The following CDYL variants were observed in gnomAD, a reference collection of about 807,000 sequenced individuals.
The protein encoded by CDYL is chromodomain Y like, also known as chromodomain Y-like protein.
CDYL carries 8 observed loss-of-function variants against 47.3 expected under a neutral mutation model. That is an observed-to-expected ratio of 0.17 (90% CI 0.10 to 0.31). The LOEUF is 0.31. Among genes scored for constraint, CDYL ranks in the 10% least tolerant of loss-of-function variants. The probability of loss-of-function intolerance (pLI) is 1.00; values close to 1 mark genes in which losing one functional copy is unlikely to be tolerated. For synonymous variants in CDYL, 266 were observed against 265.0 expected (o/e 1.00, Z -0.04); for missense variants, 471 against 701.4 (o/e 0.67, Z 3.71).
chr6:4,864,745 C>T (rs1238309984), intron 1 of CDYL, among the ~76,000 whole-genome samples: 5 of 152,146 alleles, frequency 3.3e-5, no homozygotes, highest in African/African-American at 9.7e-5. Flanking sequence ...GTGCCTTTCA[C>T]CTCCCACCAT....
At chr6:4,857,326 G>C (rs1418477411) in intron 1 of CDYL, among the ~76,000 whole-genome samples, 1 of 152,128 alleles carries the variant, frequency 6.6e-6, no homozygotes, top group African/African-American at 2.4e-5. Flanking sequence ...CCAAATTTCT[G>C]GTGAAAAGTT....
chr6:4,852,398 C>CTTCCTTCCTTCCAATCT (rs1219996335), intron 1 of CDYL, among the ~76,000 whole-genome samples: 1 of 123,434 alleles, frequency 8.1e-6, no homozygotes, highest in African/African-American at 4.2e-5. Context: ...TCCTTCCTTC[C>CTTCCTTCCTTCCAATCT]TCCTTCCTTC....
chr6:4,897,378 G>A (rs1762314363), intron 2 of CDYL, among the ~76,000 whole-genome samples: 1 of 152,220 alleles, frequency 6.6e-6, no homozygotes, highest in Non-Finnish European at 1.5e-5. Context: ...TGCATTTCAT[G>A]AGCATTTCAA....
At chr6:4,832,287 C>G (rs944688238) in intron 1 of CDYL, among the ~76,000 whole-genome samples, 3 of 152,012 alleles carry the variant, frequency 2.0e-5, no homozygotes, top group African/African-American at 7.3e-5. Flanking sequence ...TAGCATGAAG[C>G]ATTGTTGAGT....
In CDYL at chr6:4,954,064, G is replaced by T. The variant is rs1561729562; in HGVS notation, c.*8G>T. The T allele has an allele frequency of 6.2e-7, 1 of 1,611,738 alleles. No individual in the cohort carries two copies. Among genetic ancestry groups the T allele is most frequent in the Non-Finnish European group, 8.5e-7 (1 of 1,178,538 alleles). On this transcript the variant is annotated 3_prime_UTR_variant, in exon 7 of 7. Transcript: ENST00000397588. ...AAGATCGATGAGTTCTGAGTGTCGG[G>T]CTGCCCACTGGTGACACCGGGATCG...
chr6:4,748,545 G>C (rs980183078), intron 3 of CDYL, among the ~76,000 whole-genome samples: 1 of 151,902 alleles, frequency 6.6e-6, no homozygotes, highest in Non-Finnish European at 1.5e-5. Context: ...TTCCAGGGAA[G>C]TTCGGGAAGC....
At chr6:4,812,339 G>C (rs960840093) in intron 1 of CDYL, among the ~76,000 whole-genome samples, 1 of 152,170 alleles carries the variant, frequency 6.6e-6, no homozygotes, top group Non-Finnish European at 1.5e-5. Context: ...AGGACATTAA[G>C]GTTGTCTGCA....
At chr6:4,821,889 A>G (rs953925589) in intron 1 of CDYL, among the ~76,000 whole-genome samples, 1 of 152,078 alleles carries the variant, frequency 6.6e-6, no homozygotes, top group African/African-American at 2.4e-5. Context: ...TAATTTTCCA[A>G]ATTTTAGTTG....
chr6:4,899,646 A>C (rs1054074511), intron 2 of CDYL, among the ~76,000 whole-genome samples: 1 of 152,258 alleles, frequency 6.6e-6, no homozygotes, highest in Non-Finnish European at 1.5e-5. Context: ...ATACCTTTAC[A>C]GACAGGAATT....
intron 2 of CDYL, among the ~76,000 whole-genome samples, chr6:4,905,779 C>T (rs535989663): frequency 2.9e-4 from 44 of 152,022 alleles, no homozygotes; most frequent in Admixed American, 7.9e-4. Context: ...TTATTTGTTC[C>T]CCTTTTTATT....
At chr6:4,712,828 C>T (rs1045086036) in intron 1 of CDYL, among the ~76,000 whole-genome samples, 2 of 152,226 alleles carry the variant, frequency 1.3e-5, no homozygotes, top group African/African-American at 4.8e-5. Flanking sequence ...GGGTTCTTTC[C>T]AGCCTTCACT....
intron 1 of CDYL, among the ~76,000 whole-genome samples, chr6:4,867,513 G>C (rs1761354832): frequency 6.6e-6 from 1 of 152,036 alleles, no homozygotes; most frequent in Non-Finnish European, 1.5e-5. Context: ...AATTTGTTGA[G>C]AGTTTTGGTC....
At chr6:4,798,586 TAATA>T (rs1372162329) in intron 1 of CDYL, among the ~76,000 whole-genome samples, 12 of 152,366 alleles carry the variant, frequency 7.9e-5, no homozygotes, top group African/African-American at 2.6e-4. Flanking sequence ...ACATATCTTT[TAATA>T]AATGTCAGTG....
intron 3 of CDYL, among the ~76,000 whole-genome samples, chr6:4,740,402 A>G (rs1757776180): frequency 6.6e-6 from 1 of 152,172 alleles, no homozygotes; most frequent in African/African-American, 2.4e-5. Flanking sequence ...CGTTGCTACT[A>G]GAATGGAGAG....
chr6:4,778,109 G>GA (rs1245977379), intron 1 of CDYL, among the ~76,000 whole-genome samples: 1 of 152,146 alleles, frequency 6.6e-6, no homozygotes, highest in Non-Finnish European at 1.5e-5. Flanking sequence ...TTCTAGGAAG[G>GA]AAAGTGTTGT....
chr6:4,813,871 T>A (rs748460449), intron 1 of CDYL, among the ~76,000 whole-genome samples: 21 of 152,020 alleles, frequency 1.4e-4, no homozygotes, highest in Non-Finnish European at 2.8e-4. Context: ...CCTCCCAGGC[T>A]CCAACGATCC....
intron 1 of CDYL, among the ~76,000 whole-genome samples, chr6:4,811,382 G>A (rs367779893): frequency 1.3e-5 from 2 of 152,258 alleles, no homozygotes; most frequent in East Asian, 3.9e-4. Context: ...CTCTTCAGTA[G>A]TAATAGGCTG....
chr6:4,861,565 C>T (rs1165177854), intron 1 of CDYL, among the ~76,000 whole-genome samples: 2 of 152,184 alleles, frequency 1.3e-5, no homozygotes, highest in African/African-American at 2.4e-5. Flanking sequence ...AAACCTGAAT[C>T]CTAAGACATA....
chr6:4,724,379 G>A (rs1357653878), intron 2 of CDYL: 7 of 152,198 alleles, frequency 4.6e-5, no homozygotes, highest in African/African-American at 7.2e-5. Context: ...CCAAAGGTGA[G>A]GGTGTCTTTC....
Sources: gnomAD v4.1 joint callset for allele counts (sites outside exome capture counted in the v4.1 genomes callset) on GRCh38, gnomAD v4.1.1 for gene constraint, MANE v1.5 for transcripts, NCBI Gene and HGNC (gene_info 2026-07-23, HGNC 2026-07-21) for gene names.